THSD4: variants seen among roughly 807,000 people sequenced by gnomAD.
The protein encoded by THSD4 is thrombospondin type 1 domain containing 4.
Under a neutral mutation model 119.0 loss-of-function variants are expected in THSD4, and 69 were observed. The observed-to-expected ratio is 0.58, with a 90% CI of 0.48 to 0.71. The LOEUF is 0.71. THSD4 is among the 30% of genes least tolerant of loss of function. The probability of loss-of-function intolerance (pLI) is 0.00; values close to 1 mark genes in which losing one functional copy is unlikely to be tolerated. For synonymous variants in THSD4, 524 were observed against 540.4 expected, an observed-to-expected ratio of 0.97 and a Z score of 0.42; for missense variants, 1,393 against 1,391.1, an observed-to-expected ratio of 1.00 and a Z score of -0.02.
intron 8 of THSD4, among the ~76,000 whole-genome samples, chr15:71,707,300 G>T (rs1468154864): frequency 1.3e-5 from 2 of 152,314 alleles, no homozygotes; most frequent in East Asian, 3.9e-4. Context: ...AGAAGACAGG[G>T]CTGACTGAAG....
chr15:71,717,701 G>A (rs11853294), intron 8 of THSD4, among the ~76,000 whole-genome samples: 53,542 of 151,946 alleles, frequency 0.35, 10,125 homozygotes, highest in African/African-American at 0.49. Context: ...CTAGCAGCAC[G>A]GGAGACAGAG....
chr15:71,648,350 C>T (rs984588747), intron 7 of THSD4, among the ~76,000 whole-genome samples: 2 of 152,102 alleles, frequency 1.3e-5, no homozygotes, highest in Non-Finnish European at 2.9e-5. Context: ...ATCTGTTTTC[C>T]ACCTACAACT....
intron 6 of THSD4, among the ~76,000 whole-genome samples, chr15:71,292,188 CTTTGT>C (rs769396982): frequency 4.7e-4 from 72 of 152,226 alleles, no homozygotes; most frequent in South Asian, 1.7e-3. Flanking sequence ...TCCTGATGCT[CTTTGT>C]TTTGTGTGTG....
At chr15:71,157,635 A>C (rs2040791837) in intron 3 of THSD4, among the ~76,000 whole-genome samples, 1 of 145,814 alleles carries the variant, frequency 6.9e-6, no homozygotes, top group South Asian at 2.2e-4. Context: ...TCTTCTCCTC[A>C]GTCTCTGGTA....
intron 6 of THSD4, among the ~76,000 whole-genome samples, chr15:71,260,576 C>T (rs139238538): frequency 2.5e-4 from 38 of 152,294 alleles, no homozygotes; most frequent in African/African-American, 7.7e-4. Context: ...TTTTGTTGGT[C>T]ATGTTACTGG....
At chr15:71,118,256 G>T (rs1368743327) in intron 1 of THSD4, among the ~76,000 whole-genome samples, 1 of 152,086 alleles carries the variant, frequency 6.6e-6, no homozygotes, top group Non-Finnish European at 1.5e-5. Context: ...TGATCCAAGA[G>T]CCATCCCAAC....
intron 7 of THSD4, among the ~76,000 whole-genome samples, chr15:71,421,963 G>T (rs954719784): frequency 1.3e-5 from 2 of 152,178 alleles, no homozygotes; most frequent in Non-Finnish European, 2.9e-5. Flanking sequence ...AGACTCTGAT[G>T]TATTCTTCAG....
intron 7 of THSD4, among the ~76,000 whole-genome samples, chr15:71,591,129 A>G (rs2140873343): frequency 6.6e-6 from 1 of 152,066 alleles, no homozygotes; most frequent in East Asian, 1.9e-4. Flanking sequence ...GGCTTTTCAA[A>G]ATAGAAAAGC....
chr15:71,249,597 T>C (rs2140281140), intron 5 of THSD4, among the ~76,000 whole-genome samples: 1 of 152,004 alleles, frequency 6.6e-6, no homozygotes, highest in East Asian at 1.9e-4. Flanking sequence ...TCTTATTGAC[T>C]TCATATATAT....
At chr15:71,143,685 CTTTTTTTTTTCTTTCTTT>C (rs2040627249) in intron 2 of THSD4, among the ~76,000 whole-genome samples, 1 of 114,962 alleles carries the variant, frequency 8.7e-6, no homozygotes, top group Non-Finnish European at 1.9e-5. Flanking sequence ...TTTTTTCTTT[CTTTTTTTTTTCTTTCTTT>C]TTTTTTTTTT....
intron 6 of THSD4, among the ~76,000 whole-genome samples, chr15:71,332,594 C>A (rs2045435663): frequency 1.3e-5 from 2 of 152,090 alleles, no homozygotes; most frequent in South Asian, 4.2e-4. Flanking sequence ...TGCAGCATGC[C>A]TCGGATTTGA....
At chr15:71,390,849 C>CTTTTTTTT (rs1010882999) in intron 6 of THSD4, among the ~76,000 whole-genome samples, 73 of 90,890 alleles carry the variant, frequency 8.0e-4, no homozygotes, top group East Asian at 1.3e-3. Flanking sequence ...TTGGCTAAAT[C>CTTTTTTTT]TTTTTTTTTT....
intron 7 of THSD4, among the ~76,000 whole-genome samples, chr15:71,557,262 CAG>C (rs2140872986): frequency 6.6e-6 from 1 of 152,224 alleles, no homozygotes; most frequent in African/African-American, 2.4e-5. Flanking sequence ...TTTAATCTGT[CAG>C]TGTGATAAAT....
intron 7 of THSD4, among the ~76,000 whole-genome samples, chr15:71,618,118 C>T (rs145846642): frequency 6.5e-4 from 99 of 152,288 alleles, no homozygotes; most frequent in African/African-American, 2.3e-3. Flanking sequence ...AAGTGGTCTT[C>T]TGAAGAAAAG....
chr15:71,410,291 C>T (rs1322077452), intron 6 of THSD4, among the ~76,000 whole-genome samples: 2 of 152,138 alleles, frequency 1.3e-5, no homozygotes, highest in African/African-American at 4.8e-5. Flanking sequence ...CCTGTATTCT[C>T]GCAAAACCAC....
At chr15:71,106,118 T>G (rs1188753286) in intron 1 of THSD4, among the ~76,000 whole-genome samples, 1 of 152,176 alleles carries the variant, frequency 6.6e-6, no homozygotes, top group African/African-American at 2.4e-5. Context: ...AAGAATGACT[T>G]GGAATAAATT....
At chr15:71,775,733 T>A (rs989550175) in intron 17 of THSD4, among the ~76,000 whole-genome samples, 1 of 151,766 alleles carries the variant, frequency 6.6e-6, no homozygotes, top group Non-Finnish European at 1.5e-5. Flanking sequence ...ATAAATAAAA[T>A]AAAATAAATA....
chr15:71,507,522 A>G (rs2048208911), intron 7 of THSD4, among the ~76,000 whole-genome samples: 2 of 152,146 alleles, frequency 1.3e-5, no homozygotes, highest in South Asian at 4.1e-4. Context: ...CCCTTCTGGT[A>G]TGTTCTCAGC....
chr15:71,131,660 C>T (rs1170254903), intron 1 of THSD4, among the ~76,000 whole-genome samples: 1 of 152,050 alleles, frequency 6.6e-6, no homozygotes, highest in Admixed American at 6.6e-5. Flanking sequence ...TTGTGACAAA[C>T]ACTGGCTAGT....
Sources: allele counts gnomAD v4.1 joint callset (sites outside exome capture counted in the v4.1 genomes callset), GRCh38; gene constraint gnomAD v4.1.1; transcripts MANE v1.5; gene names NCBI Gene and HGNC (gene_info 2026-07-23, HGNC 2026-07-21).